Variants in CTNNA2 observed in about 807,000 individuals in gnomAD.
CTNNA2 encodes the protein catenin alpha 2, also known as catenin alpha-2.
In CTNNA2, 42 loss-of-function variants were observed where a neutral mutation model predicts 101.0. The ratio of observed to expected loss-of-function variants is 0.42; its 90% CI spans 0.32 to 0.54. The LOEUF (loss-of-function observed/expected upper bound fraction) is 0.54, where lower values mean the gene tolerates loss of function less well. Among genes scored for constraint, CTNNA2 ranks in the 20% least tolerant of loss-of-function variants. The pLI, the probability that CTNNA2 is intolerant of heterozygous loss-of-function variation, is 0.14. For missense variants in CTNNA2, 871 were observed against 1,223.1 expected, an observed-to-expected ratio of 0.71 and a Z score of 4.29; for synonymous variants, 450 against 456.4, an observed-to-expected ratio of 0.99 and a Z score of 0.18.
chr2:80,519,735 G>T (rs568052897), intron 9 of CTNNA2, among the ~76,000 whole-genome samples: 2 of 152,270 alleles, frequency 1.3e-5, no homozygotes, highest in Non-Finnish European at 2.9e-5. Flanking sequence ...CTACATGCTA[G>T]TATCTTTACT....
At chr2:79,674,998 A>T (rs555349036) in intron 2 of CTNNA2, among the ~76,000 whole-genome samples, 1 of 152,352 alleles carries the variant, frequency 6.6e-6, no homozygotes, top group Non-Finnish European at 1.5e-5. Context: ...TCTCATTTTT[A>T]AATATCTTGT....
chr2:80,114,871 T>C (rs1049243328), intron 7 of CTNNA2, among the ~76,000 whole-genome samples: 7 of 152,152 alleles, frequency 4.6e-5, no homozygotes, highest in Non-Finnish European at 1.0e-4. Context: ...TCAGTTCATA[T>C]CTTCATCTTA....
intron 1 of CTNNA2, among the ~76,000 whole-genome samples, chr2:79,625,682 G>C (rs1679260015): frequency 6.6e-6 from 1 of 152,144 alleles, no homozygotes; most frequent in African/African-American, 2.4e-5. Flanking sequence ...CCAGGAACTA[G>C]ACAGACTCCA....
intron 9 of CTNNA2, among the ~76,000 whole-genome samples, chr2:80,534,598 G>A (rs1690831024): frequency 6.6e-6 from 1 of 152,118 alleles, no homozygotes. Context: ...AATGTGAAGT[G>A]GCTACTTGAG....
At chr2:80,627,636 A>C (rs1671820904) in intron 18 of CTNNA2, among the ~76,000 whole-genome samples, 1 of 151,698 alleles carries the variant, frequency 6.6e-6, no homozygotes, top group African/African-American at 2.4e-5. Context: ...GATTGCAAAA[A>C]TTTTCTCCCA....
intron 7 of CTNNA2, among the ~76,000 whole-genome samples, chr2:80,208,658 T>C (rs1707687189): frequency 6.6e-6 from 1 of 152,110 alleles, no homozygotes; most frequent in Non-Finnish European, 1.5e-5. Flanking sequence ...TCGCGTACCA[T>C]CCCTAAGGAT....
At chr2:79,446,215 C>G (rs910781507) in intron 4 of CTNNA2, among the ~76,000 whole-genome samples, 34 of 151,826 alleles carry the variant, frequency 2.2e-4, no homozygotes, top group African/African-American at 8.0e-4. Context: ...GTAGGCTTTG[C>G]CCCACAATAT....
At chr2:79,823,594 A>C (rs1022556471) in intron 3 of CTNNA2, among the ~76,000 whole-genome samples, 1 of 151,918 alleles carries the variant, frequency 6.6e-6, no homozygotes, top group Admixed American at 6.6e-5. Context: ...TACCTCTTAA[A>C]CCTTCAGAAA....
intron 7 of CTNNA2, among the ~76,000 whole-genome samples, chr2:80,107,957 G>A (rs1344783643): frequency 6.6e-6 from 1 of 152,160 alleles, no homozygotes; most frequent in Admixed American, 6.5e-5. Flanking sequence ...CCTGTCACAA[G>A]TCTGATGAAG....
intron 3 of CTNNA2, among the ~76,000 whole-genome samples, chr2:79,820,043 A>G (rs116445758): frequency 0.014 from 2,094 of 152,194 alleles, 55 homozygotes; most frequent in African/African-American, 0.047. Flanking sequence ...CCACTCACAT[A>G]TTTGTCTGTA....
intron 14 of CTNNA2, among the ~76,000 whole-genome samples, chr2:80,587,096 G>A (rs1268391382): frequency 6.6e-6 from 1 of 152,072 alleles, no homozygotes; most frequent in African/African-American, 2.4e-5. Flanking sequence ...AATGATCTTA[G>A]TTCAGGTGGG....
At chr2:79,278,807 T>A (rs562741387) in intron 2 of CTNNA2, among the ~76,000 whole-genome samples, 5 of 152,152 alleles carry the variant, frequency 3.3e-5, no homozygotes, top group African/African-American at 1.2e-4. Flanking sequence ...AGGCAATACA[T>A]CAGAGAAAAG....
At chr2:79,304,652 T>C (rs1676190960) in intron 2 of CTNNA2, among the ~76,000 whole-genome samples, 1 of 152,200 alleles carries the variant, frequency 6.6e-6, no homozygotes, top group African/African-American at 2.4e-5. Flanking sequence ...TACATGGCAC[T>C]ATTGTAAGAA....
At chr2:80,175,792 G>T (rs1036641032) in intron 7 of CTNNA2, among the ~76,000 whole-genome samples, 3 of 152,156 alleles carry the variant, frequency 2.0e-5, no homozygotes, top group African/African-American at 7.2e-5. Flanking sequence ...TTCAGTCTGT[G>T]GCCTAAGGCC....
chr2:79,213,606 T>G (rs771458624), intron 2 of CTNNA2, among the ~76,000 whole-genome samples: 4 of 152,060 alleles, frequency 2.6e-5, no homozygotes, highest in South Asian at 4.1e-4. Context: ...AAACTAAATG[T>G]GATCAGAGTG....
At chr2:80,417,545 T>C (rs1403070735) in intron 8 of CTNNA2, among the ~76,000 whole-genome samples, 1 of 151,980 alleles carries the variant, frequency 6.6e-6, no homozygotes, top group African/African-American at 2.4e-5. Flanking sequence ...ATTTGTCTTA[T>C]GGCATTTGAT....
At chr2:79,323,814 T>A (rs574815278) in intron 3 of CTNNA2, among the ~76,000 whole-genome samples, 1 of 152,182 alleles carries the variant, frequency 6.6e-6, no homozygotes, top group Admixed American at 6.5e-5. Flanking sequence ...TAAAGGAAGA[T>A]AACAGGAAGA....
chr2:79,984,193 C>A (rs530742148), intron 7 of CTNNA2, among the ~76,000 whole-genome samples: 1 of 152,100 alleles, frequency 6.6e-6, no homozygotes, highest in African/African-American at 2.4e-5. Flanking sequence ...TTAATTGCCA[C>A]GGAATTTTCA....
intron 9 of CTNNA2, among the ~76,000 whole-genome samples, chr2:80,483,687 C>A (rs966160216): frequency 3.9e-5 from 6 of 152,112 alleles, no homozygotes; most frequent in Admixed American, 6.5e-5. Flanking sequence ...CAACTCTTTA[C>A]CAAAAACTTA....
Sources: allele counts gnomAD v4.1 joint callset (sites outside exome capture counted in the v4.1 genomes callset), GRCh38; gene constraint gnomAD v4.1.1; transcripts MANE v1.5; gene names NCBI Gene and HGNC (gene_info 2026-07-23, HGNC 2026-07-21).